IGBP1: variants seen among roughly 807,000 people sequenced by gnomAD.
IGBP1 encodes the protein immunoglobulin-binding protein 1.
Under a neutral mutation model 25.9 loss-of-function variants are expected in IGBP1, and 2 were observed. The observed-to-expected ratio is 0.08, with a 90% CI of 0.03 to 0.24. The LOEUF (loss-of-function observed/expected upper bound fraction) is 0.24, where lower values mean the gene tolerates loss of function less well. IGBP1 is among the 10% of genes least tolerant of loss of function. The pLI, the probability that IGBP1 is intolerant of heterozygous loss-of-function variation, is 1.00. For missense variants in IGBP1, 187 were observed against 260.4 expected (o/e 0.72, Z 1.94); for synonymous variants, 96 against 93.4 (o/e 1.03, Z -0.16).
intron 3 of IGBP1, among the ~76,000 whole-genome samples, chrX:70,138,339 T>G (rs749046167): frequency 9.2e-6 from 1 of 109,285 alleles, no homozygotes; most frequent in Non-Finnish European, 1.9e-5. Flanking sequence ...AATAAAAAAC[T>G]AGCCAGGTAT....
chrX:70,145,718 C>G (rs1363220491), intron 3 of IGBP1, among the ~76,000 whole-genome samples: 1 of 111,666 alleles, frequency 9.0e-6, no homozygotes, highest in Admixed American at 9.6e-5. Flanking sequence ...CAGGCACGCT[C>G]CCACCTCACA....
chrX:70,142,999 C>G (rs1203652771), intron 3 of IGBP1, among the ~76,000 whole-genome samples: 5 of 98,796 alleles, frequency 5.1e-5, no homozygotes, highest in African/African-American at 1.8e-4. Flanking sequence ...CCTCGGCTCA[C>G]TGCAAGCTCC....
intron 6 of IGBP1, among the ~76,000 whole-genome samples, chrX:70,163,621 A>T (rs1409831435): frequency 8.9e-6 from 1 of 111,772 alleles, no homozygotes; most frequent in Non-Finnish European, 1.9e-5. Context: ...AACAGCTCCT[A>T]ACATTACAAC....
intron 6 of IGBP1, among the ~76,000 whole-genome samples, chrX:70,165,574 T>C (rs2085293289): frequency 9.0e-6 from 1 of 111,041 alleles, no homozygotes; most frequent in African/African-American, 3.3e-5. Flanking sequence ...CAAAATAGAA[T>C]TCATTCTGAG....
intron 3 of IGBP1, among the ~76,000 whole-genome samples, chrX:70,138,630 T>C (rs2085111853): frequency 1.8e-5 from 2 of 111,931 alleles, no homozygotes; most frequent in African/African-American, 6.5e-5. Context: ...TCTGATGTGT[T>C]TCCTTTCAGT....
At chrX:70,150,073 G>C in intron 5 of IGBP1, 137 bp from the exon 6 acceptor site, 1 of 519,156 alleles carries the variant, frequency 1.9e-6, no homozygotes, top group Non-Finnish European at 3.5e-6. Context: ...CAACTCCTCA[G>C]AAGTTGACTG....
intron 3 of IGBP1, among the ~76,000 whole-genome samples, chrX:70,136,447 A>G (rs1408686689): frequency 8.1e-5 from 9 of 111,695 alleles, no homozygotes; most frequent in African/African-American, 2.6e-4. Flanking sequence ...AAGGTGTATT[A>G]AATGCGTTTT....
intron 6 of IGBP1, among the ~76,000 whole-genome samples, chrX:70,160,555 C>T (rs1433631750): frequency 1.8e-5 from 2 of 112,003 alleles, no homozygotes; most frequent in East Asian, 5.6e-4. Flanking sequence ...TATCAACATG[C>T]AGGAATTCAA....
chrX:70,146,816 C>G lies in IGBP1; in HGVS notation c.666C>G (p.Asp222Glu), dbSNP rs186105696. ...AAATAAAGATCCTGAGAGAAAGAGA[C>G]TCTTCAAGAGAGGTAAGCCTGGCCA... ...DQEIKILRER[D>E]SSREASTSNS... The change falls in exon 4 of 7, where the codon GAC (aspartate) becomes GAG (glutamate). Residue 222 changes from aspartate to glutamate, a missense_variant. Transcript: ENST00000356413. 1 of 1,197,039 alleles carries G rather than the reference C, an allele frequency of 8.4e-7. No homozygotes were observed. The highest frequency in any genetic ancestry group is 1.1e-6 in the Non-Finnish European group (1 of 882,561).
chrX:70,141,091 A>G (rs778591696), intron 3 of IGBP1, among the ~76,000 whole-genome samples: 1 of 111,079 alleles, frequency 9.0e-6, no homozygotes, highest in Non-Finnish European at 1.9e-5. Context: ...CACACCTGTA[A>G]TCCCAGCACT....
chrX:70,156,167 A>G (rs2085238963), intron 6 of IGBP1, among the ~76,000 whole-genome samples: 1 of 110,880 alleles, frequency 9.0e-6, no homozygotes, highest in Non-Finnish European at 1.9e-5. Flanking sequence ...ATAATGAAAA[A>G]GTTTGAGAAA....
In IGBP1 at chrX:70,134,531, A is replaced by G; in HGVS notation, c.197A>G (p.Glu66Gly). The G allele has an allele frequency of 2.5e-6, 3 of 1,210,634 alleles. No individual in the cohort carries two copies. Among genetic ancestry groups the G allele is most frequent in the Non-Finnish European group, 3.4e-6 (3 of 895,067 alleles). ...LSQLDLFSRNEDLEEIASTDL... is the reference protein window; with the variant it reads ...LSQLDLFSRNGDLEEIASTDL... ...CCTTTTTGCTCTTCCAGCCGAAATG[A>G]AGATTTGGAAGAGATTGCTTCCACC... Residue 66 changes from glutamate (E) to glycine (G), a missense_variant, in exon 3 of 7, where the codon GAA (glutamate) becomes GGA (glycine). Coordinates refer to ENST00000356413, the MANE Select transcript of IGBP1 (RefSeq NM_001551.3).
At chrX:70,159,604 A>G (rs2085260315) in intron 6 of IGBP1, among the ~76,000 whole-genome samples, 1 of 110,975 alleles carries the variant, frequency 9.0e-6, no homozygotes. Flanking sequence ...TCTCCCACCA[A>G]GGCAAGGACT....
At chrX:70,156,656 AT>A (rs1160938148) in intron 6 of IGBP1, among the ~76,000 whole-genome samples, 1 of 112,509 alleles carries the variant, frequency 8.9e-6, no homozygotes, top group Non-Finnish European at 1.9e-5. Flanking sequence ...ACTATCGTTA[AT>A]GGCTGGGTGC....
chrX:70,140,384 G>A (rs952504931), intron 3 of IGBP1, among the ~76,000 whole-genome samples: 1 of 112,159 alleles, frequency 8.9e-6, no homozygotes, highest in Non-Finnish European at 1.9e-5. Flanking sequence ...GAAGCTAAGA[G>A]GAGTATGGTT....
intron 6 of IGBP1, among the ~76,000 whole-genome samples, chrX:70,154,228 G>A (rs1478565731): frequency 3.7e-5 from 4 of 107,713 alleles, no homozygotes; most frequent in Admixed American, 1.0e-4. Context: ...CATCACACCC[G>A]GCTAATTTTT....
chrX:70,136,698 TTTA>T (rs58340348), intron 3 of IGBP1, among the ~76,000 whole-genome samples: 121 of 97,976 alleles, frequency 1.2e-3, no homozygotes, highest in African/African-American at 4.1e-3. Flanking sequence ...TTCTTTTTTC[TTTA>T]TTATTATTAT....
At chrX:70,164,049 G>A (rs1307063197) in intron 6 of IGBP1, 2 of 111,515 alleles carry the variant, frequency 1.8e-5, no homozygotes, top group Non-Finnish European at 3.8e-5. Flanking sequence ...GACCAGCGTG[G>A]CCAATGTGGT....
At chrX:70,140,407 G>A (rs2085122505) in intron 3 of IGBP1, among the ~76,000 whole-genome samples, 1 of 112,326 alleles carries the variant, frequency 8.9e-6, no homozygotes, top group Non-Finnish European at 1.9e-5. Flanking sequence ...AGCTCTGCAT[G>A]AAGAAGTGAT....
Sources: gnomAD v4.1 joint callset for allele counts (sites outside exome capture counted in the v4.1 genomes callset) on GRCh38, gnomAD v4.1.1 for gene constraint, MANE v1.5 for transcripts, NCBI Gene and HGNC (gene_info 2026-07-23, HGNC 2026-07-21) for gene names.